The following KIF15 variants were observed in gnomAD, a reference collection of about 807,000 sequenced individuals.
The protein encoded by KIF15 is kinesin family member 15, also known as kinesin-like protein KIF15.
In KIF15, 140 loss-of-function variants were observed where a neutral mutation model predicts 190.6. That is an observed-to-expected ratio of 0.73 (90% CI 0.64 to 0.84). The LOEUF is 0.84. Ranked by LOEUF, KIF15 falls within the 40% of genes least tolerant of loss-of-function variation. The pLI is 0.00. For missense variants in KIF15, 1,372 were observed against 1,584.4 expected, an observed-to-expected ratio of 0.87 and a Z score of 2.28; for synonymous variants, 528 against 551.3, an observed-to-expected ratio of 0.96 and a Z score of 0.59.
At chr3:44,821,842 T>C (rs1349088659) in intron 20 of KIF15, among the ~76,000 whole-genome samples, 1 of 152,338 alleles carries the variant, frequency 6.6e-6, no homozygotes, top group Admixed American at 6.5e-5. Flanking sequence ...ACATTGAGCA[T>C]TGAGTGAACC....
intron 4 of KIF15, among the ~76,000 whole-genome samples, chr3:44,779,468 A>G (rs1371934642): frequency 6.6e-6 from 1 of 152,182 alleles, no homozygotes; most frequent in Non-Finnish European, 1.5e-5. Context: ...TGAGGACAAT[A>G]CCAATTGTCA....
intron 3 of KIF15, among the ~76,000 whole-genome samples, chr3:44,777,425 G>A (rs1209007992): frequency 6.6e-6 from 1 of 152,116 alleles, no homozygotes; most frequent in Non-Finnish European, 1.5e-5. Context: ...TGGGTGCTGT[G>A]GCTCACGCCT....
intron 27 of KIF15, 104 bp downstream of exon 27, chr3:44,838,525 T>G: frequency 8.6e-7 from 1 of 1,164,074 alleles, no homozygotes; most frequent in Non-Finnish European, 1.2e-6. Context: ...GGTGGACCAC[T>G]TGAAGTCAGG....
chr3:44,816,968 T>G (rs1708057678), intron 20 of KIF15, among the ~76,000 whole-genome samples: 1 of 152,246 alleles, frequency 6.6e-6, no homozygotes, highest in African/African-American at 2.4e-5. Flanking sequence ...TGGTTTTGAT[T>G]TGCATTTATC....
chr3:44,762,012 G>A (rs2125884301), intron 1 of KIF15, 128 bp downstream of exon 1: 2 of 1,164,118 alleles, frequency 1.7e-6, no homozygotes, highest in Non-Finnish European at 2.6e-6. Flanking sequence ...TGACCGGCGG[G>A]GACGTTTGGG....
chr3:44,837,994 C>T lies in KIF15; in HGVS notation c.3172-281C>T, dbSNP rs538551274. Among the ~76,000 whole-genome samples, 83 of 152,216 alleles carry T rather than the reference C, an allele frequency of 5.5e-4. 1 individual carries two copies. In the South Asian group the frequency reaches 0.016, roughly 29 times the overall value. Reference sequence around the variant, plus strand: ...CAGGAGAGGGAGATTGGCTTGAGATCCTGGGGGTGAGGAGAGAATGCAATT... The same window carrying T: ...CAGGAGAGGGAGATTGGCTTGAGATTCTGGGGGTGAGGAGAGAATGCAATT... On this transcript the variant is annotated intron_variant, in intron 26 of 34. Coordinates refer to ENST00000326047, the MANE Select transcript of KIF15 (RefSeq NM_020242.3).
At chr3:44,849,909 G>A (rs1291500927) in intron 32 of KIF15, among the ~76,000 whole-genome samples, 1 of 152,146 alleles carries the variant, frequency 6.6e-6, no homozygotes, top group Non-Finnish European at 1.5e-5. Context: ...TAGTGGAAAT[G>A]CATCTCTTAA....
chr3:44,779,821 G>GAA (rs397875811), intron 4 of KIF15, among the ~76,000 whole-genome samples: 112 of 99,960 alleles, frequency 1.1e-3, no homozygotes, highest in African/African-American at 3.8e-3. Context: ...GTGACAGAGT[G>GAA]AAAAAAAAAA....
chr3:44,805,751 T>C, intron 15 of KIF15, 94 bp from the exon 16 acceptor site: 1 of 1,139,718 alleles, frequency 8.8e-7, no homozygotes. Context: ...TAGAGATAAC[T>C]ATAAAGTTAT....
rs1037817021 is a variant in KIF15, at chr3:44,801,210, G to GT, written c.1223-240_1223-239insT. Among the ~76,000 whole-genome samples the GT allele has an allele frequency of 4.0e-5, 6 of 148,824 alleles. 1 individual carries two copies. The highest frequency in any genetic ancestry group is 1.5e-4 in the African/African-American group (6 of 40,110). ...TTTTTAGTAGAGATCGGGGGCGGCG[G>GT]GAGGGGGGGGTCTCACCATGTTGGC... On this transcript the variant is annotated intron_variant, in intron 11 of 34. Coordinates refer to ENST00000326047, the MANE Select transcript of KIF15 (RefSeq NM_020242.3).
intron 6 of KIF15, chr3:44,861,901 C>G (rs2125738317): frequency 2.0e-6 from 3 of 1,487,054 alleles, no homozygotes; most frequent in Non-Finnish European, 2.7e-6. Context: ...GCAGCGGGTG[C>G]CAGGCACGGT....
At chr3:44,862,012 G>A in intron 6 of KIF15, 2 of 1,381,550 alleles carry the variant, frequency 1.4e-6, no homozygotes, top group Non-Finnish European at 1.9e-6. Context: ...GCACCTCCAG[G>A]CGGGTGCGAT....
chr3:44,793,357 G>T (rs72875727), intron 7 of KIF15, among the ~76,000 whole-genome samples: 1,661 of 152,120 alleles, frequency 0.011, 28 homozygotes, highest in African/African-American at 0.037. Flanking sequence ...CAAAACTTTG[G>T]GCTTAAAGAT....
intron 22 of KIF15, chr3:44,826,964 G>T (rs1274292927): frequency 2.2e-6 from 1 of 455,776 alleles, no homozygotes; most frequent in Non-Finnish European, 4.4e-6. Context: ...GGTACTTATG[G>T]AGTTCTTCCT....
intron 28 of KIF15, 123 bp downstream of exon 28, chr3:44,840,579 G>T: frequency 3.5e-6 from 2 of 568,548 alleles, no homozygotes; most frequent in Non-Finnish European, 3.1e-6. Context: ...AATACCCTCT[G>T]TCTGCTTTTT....
chr3:44,832,613 T>G (rs1049164090), intron 26 of KIF15, among the ~76,000 whole-genome samples: 4 of 152,104 alleles, frequency 2.6e-5, no homozygotes, highest in Non-Finnish European at 5.9e-5. Context: ...AGTTTTGAAT[T>G]TTAAGGACCT....
chr3:44,826,526 GT>G (rs200584693), intron 22 of KIF15, 66 bp downstream of exon 22: 2,282 of 927,570 alleles, frequency 2.5e-3, no homozygotes, highest in South Asian at 2.8e-3. Flanking sequence ...TCTTAATCTT[GT>G]TTTTTTTTTA....
At chr3:44,851,348 A>G (rs1037194173) in intron 32 of KIF15, among the ~76,000 whole-genome samples, 2 of 152,262 alleles carry the variant, frequency 1.3e-5, no homozygotes, top group Non-Finnish European at 2.9e-5. Context: ...AGTGAAATGT[A>G]CATGAAGTGT....
intron 5 of KIF15, among the ~76,000 whole-genome samples, chr3:44,784,365 A>G (rs932588874): frequency 6.6e-6 from 1 of 151,734 alleles, no homozygotes; most frequent in Non-Finnish European, 1.5e-5. Flanking sequence ...TTTAGTAACG[A>G]TGGGATTTCA....
Sources: allele counts gnomAD v4.1 joint callset (sites outside exome capture counted in the v4.1 genomes callset), GRCh38; gene constraint gnomAD v4.1.1; transcripts MANE v1.5; gene names NCBI Gene and HGNC (gene_info 2026-07-23, HGNC 2026-07-21).